BFAR: variants seen among roughly 807,000 people sequenced by gnomAD.
The protein encoded by BFAR is bifunctional apoptosis regulator.
In BFAR, 52 loss-of-function variants were observed where a neutral mutation model predicts 54.4. The observed-to-expected ratio is 0.96, with a 90% CI of 0.77 to 1.21. BFAR has a LOEUF of 1.21. BFAR is among the 50% of genes most tolerant of loss of function. The pLI is 0.00. For missense variants in BFAR, 571 were observed against 534.0 expected (o/e 1.07, Z -0.68); for synonymous variants, 215 against 204.3 (o/e 1.05, Z -0.45).
chr16:14,653,373 G>T (rs111405501), intron 4 of BFAR, among the ~76,000 whole-genome samples: 15 of 152,196 alleles, frequency 9.9e-5, no homozygotes, highest in Admixed American at 4.6e-4. Context: ...TGTTGCCCAG[G>T]CTGGAGTGCA....
intron 1 of BFAR, among the ~76,000 whole-genome samples, chr16:14,641,814 G>A (rs751550154): frequency 3.3e-5 from 5 of 151,388 alleles, no homozygotes; most frequent in Non-Finnish European, 7.4e-5. Context: ...GTGAGCTCAG[G>A]TTGTGCTATT....
At chr16:14,637,831 A>G (rs990369110) in intron 1 of BFAR, among the ~76,000 whole-genome samples, 5 of 141,094 alleles carry the variant, frequency 3.5e-5, no homozygotes, top group African/African-American at 8.2e-5. Context: ...TCCATCTCAG[A>G]AAAAAAAAAA....
chr16:14,667,650 G>A lies in BFAR; in HGVS notation c.1176G>A (p.Arg392=). Residue 392 remains arginine, a synonymous_variant, in exon 8 of 8, where the codon AGG becomes AGA. Coordinates refer to ENST00000261658, the MANE Select transcript of BFAR (RefSeq NM_016561.3). ...SRSELKTVPQ[R]MWSHFWKVST... is the part of the protein sequence containing the mutation. The stretch of plus-strand genomic sequence containing the variant: ...CTTGTTTCAGGACCGTGCCTCAGAG[G>A]ATGTGGAGCCATTTCTGGAAAGTAT... 1.2e-6 allele frequency: 2 copies of A among 1,614,076 alleles called. No individual in the cohort carries two copies. The highest frequency in any genetic ancestry group is 1.7e-6 in the Non-Finnish European group (2 of 1,179,990).
At chr16:14,667,355 A>G in intron 7 of BFAR, 1 of 431,834 alleles carries the variant, frequency 2.3e-6, no homozygotes, top group East Asian at 3.4e-5. Context: ...AGGAAAAAAA[A>G]ATATGTAAAT....
rs200143894 is a variant in BFAR at position 14,648,571 on chromosome 16, C to T, written c.447C>T (p.Leu149=). ...GAGGGGGATTCTTTTCCGGTGTGCT[C>T]ACAGCTTTAACTGGAGTGGCAGTAA... The part of the protein sequence containing the change: ...QMGGGFFSGV[L]TALTGVAVVL... The change falls in exon 3 of 8, where the codon CTC becomes CTT. Residue 149 remains leucine (L), a synonymous_variant. Transcript: ENST00000261658. 5 of 1,613,844 alleles carry T rather than the reference C, an allele frequency of 3.1e-6. No individual in the cohort carries two copies. Among genetic ancestry groups the T allele is most frequent in the African/African-American group, 2.7e-5 (2 of 74,998 alleles).
In BFAR at chr16:14,649,827, G is replaced by C; in HGVS notation, c.492G>C (p.Trp164Cys). The stretch of plus-strand genomic sequence containing the variant: ...AGGTGGTCCTGCTCGTCTATCACTG[G>C]AGCAGCAGGGAATCTGAACACGACC... ...GVAVVLLVYH[W>C]SSRESEHDLL... The change falls in exon 4 of 8, where the codon TGG becomes TGC. Residue 164 changes from tryptophan to cysteine, a missense_variant. By Grantham distance (215) the Trp-to-Cys change is radical (BLOSUM62 -2). Coordinates refer to ENST00000261658, the MANE Select transcript of BFAR (RefSeq NM_016561.3). 1 of 1,609,902 alleles carries C rather than the reference G, an allele frequency of 6.2e-7. No homozygotes were observed. Among genetic ancestry groups the C allele is most frequent in the Non-Finnish European group, 8.5e-7 (1 of 1,177,510 alleles).
At chr16:14,644,198 T>A (rs1236679350) in intron 1 of BFAR, 76 bp from the exon 2 acceptor site, 2 of 811,594 alleles carry the variant, frequency 2.5e-6, no homozygotes, top group Non-Finnish European at 3.9e-6. Flanking sequence ...TTCAATAGAA[T>A]GTCAATACTT....
At chr16:14,661,582 T>C (rs1960289197) in intron 5 of BFAR, among the ~76,000 whole-genome samples, 1 of 151,964 alleles carries the variant, frequency 6.6e-6, no homozygotes, top group Admixed American at 6.6e-5. Flanking sequence ...TTTTTATTTG[T>C]AGTACAGACA....
At chr16:14,645,371 TG>T (rs1249569428) in intron 2 of BFAR, among the ~76,000 whole-genome samples, 1 of 152,174 alleles carries the variant, frequency 6.6e-6, no homozygotes, top group African/African-American at 2.4e-5. Context: ...TGTGAATAAC[TG>T]GTTTGTTGCT....
chr16:14,659,206 G>C (rs890590872), intron 5 of BFAR, among the ~76,000 whole-genome samples: 4 of 151,362 alleles, frequency 2.6e-5, no homozygotes, highest in Non-Finnish European at 5.9e-5. Context: ...ACCATGCCCA[G>C]CCTGTAGTAT....
rs368712217 is a variant in BFAR at position 14,649,835 on chromosome 16, G to A, written c.500G>A (p.Arg167Lys). The A allele has an allele frequency of 1.2e-6, 2 of 1,610,536 alleles. No homozygotes were observed. Among genetic ancestry groups the A allele is most frequent in the Non-Finnish European group, 1.7e-6 (2 of 1,178,026 alleles). Residue 167 changes from arginine to lysine, a missense_variant, in exon 4 of 8, where the codon AGG becomes AAG. Arg to Lys is a conservative substitution (Grantham distance 26). Coordinates refer to ENST00000261658, the MANE Select transcript of BFAR (RefSeq NM_016561.3). ...VVLLVYHWSS[R>K]ESEHDLLVHK... The stretch of plus-strand genomic sequence containing the variant: ...CTGCTCGTCTATCACTGGAGCAGCA[G>A]GGAATCTGAACACGACCTCCTGGTC...
At chr16:14,636,184 T>G (rs1959432168) in intron 1 of BFAR, among the ~76,000 whole-genome samples, 1 of 152,204 alleles carries the variant, frequency 6.6e-6, no homozygotes, top group South Asian at 2.1e-4. Context: ...TGTGGGTGTT[T>G]CTCGTTAGGT....
chr16:14,666,199 T>A (rs1225940387), intron 7 of BFAR, among the ~76,000 whole-genome samples: 3 of 152,044 alleles, frequency 2.0e-5, no homozygotes, highest in African/African-American at 7.2e-5. Flanking sequence ...GAGGCATGAG[T>A]TCACCCCACA....
At chr16:14,660,317 G>C (rs1424729762) in intron 5 of BFAR, among the ~76,000 whole-genome samples, 2 of 151,936 alleles carry the variant, frequency 1.3e-5, no homozygotes, top group Non-Finnish European at 2.9e-5. Flanking sequence ...ATGGAGTTTT[G>C]CCCTTGTTGC....
intron 7 of BFAR, among the ~76,000 whole-genome samples, chr16:14,667,012 C>T (rs1960459367): frequency 6.6e-6 from 1 of 151,962 alleles, no homozygotes; most frequent in South Asian, 2.1e-4. Flanking sequence ...TCAAGTGCAG[C>T]CTGGGCAACG....
At chr16:14,634,079 G>A (rs1044689806) in intron 1 of BFAR, among the ~76,000 whole-genome samples, 4 of 152,244 alleles carry the variant, frequency 2.6e-5, no homozygotes, top group African/African-American at 7.2e-5. Context: ...CAGAGTGAGA[G>A]CCTAGACGCT....
At chr16:14,642,992 A>G (rs986955277) in intron 1 of BFAR, among the ~76,000 whole-genome samples, 6 of 152,336 alleles carry the variant, frequency 3.9e-5, no homozygotes, top group African/African-American at 1.2e-4. Flanking sequence ...CCTGGCCAAC[A>G]TGGTGAAAAC....
chr16:14,668,835 T>TAA lies in BFAR; in HGVS notation c.*1023_*1024dup, dbSNP rs528596737. ...TGGGTGACAGAGGGAGACTCTGTCT[T>TAA]AAAAAAAAAAAAAAAATCATCTGTA... On this transcript the variant is annotated 3_prime_UTR_variant, in exon 8 of 8. Coordinates refer to ENST00000261658, the MANE Select transcript of BFAR (RefSeq NM_016561.3). 2.8e-4 allele frequency: 44 copies of TAA among 158,190 alleles called. No individual in the cohort carries two copies. The highest frequency in any genetic ancestry group is 1.8e-3 in the South Asian group (16 of 8,768). 9.8% of individuals were successfully genotyped at this position (158,190 alleles called of 1,614,324 possible). A position where few individuals can be genotyped will look rare whatever the true frequency, so the allele number is the denominator to read the frequency against.
At chr16:14,664,068 C>T (rs1960367555) in intron 6 of BFAR, among the ~76,000 whole-genome samples, 1 of 152,064 alleles carries the variant, frequency 6.6e-6, no homozygotes, top group Non-Finnish European at 1.5e-5. Flanking sequence ...CATGGCAAAA[C>T]CTCGTCTCTA....
Sources: gnomAD v4.1 joint callset for allele counts (sites outside exome capture counted in the v4.1 genomes callset) on GRCh38, gnomAD v4.1.1 for gene constraint, MANE v1.5 for transcripts, NCBI Gene and HGNC (gene_info 2026-07-23, HGNC 2026-07-21) for gene names.